The following MAMLD1 variants were observed in gnomAD, a reference collection of about 807,000 sequenced individuals.
MAMLD1 encodes mastermind-like domain-containing protein 1.
Under a neutral mutation model 45.0 loss-of-function variants are expected in MAMLD1, and 14 were observed. The observed-to-expected ratio is 0.31, with a 90% CI of 0.21 to 0.49. The LOEUF is 0.49. Ranked by LOEUF, MAMLD1 falls within the 20% of genes least tolerant of loss-of-function variation. The probability of loss-of-function intolerance (pLI) is 0.99; values close to 1 mark genes in which losing one functional copy is unlikely to be tolerated. For synonymous variants in MAMLD1, 254 were observed against 247.8 expected (o/e 1.02, Z -0.24); for missense variants, 543 against 603.6 (o/e 0.90, Z 1.05).
At chrX:150,508,835 G>A (rs1341225880) in intron 6 of MAMLD1, among the ~76,000 whole-genome samples, 2 of 112,277 alleles carry the variant, frequency 1.8e-5, no homozygotes, top group African/African-American at 6.5e-5. Context: ...AGCTGCCTTG[G>A]TGGTTGAGAA....
intron 2 of MAMLD1, among the ~76,000 whole-genome samples, chrX:150,447,574 C>T (rs1557404850): frequency 9.0e-6 from 1 of 111,544 alleles, no homozygotes; most frequent in African/African-American, 3.3e-5. Flanking sequence ...CTCTGCTGCA[C>T]ATGCTGAGGA....
At chrX:150,404,313 C>T (rs1444594761) in intron 1 of MAMLD1, among the ~76,000 whole-genome samples, 1 of 112,157 alleles carries the variant, frequency 8.9e-6, no homozygotes, top group Admixed American at 9.4e-5. Flanking sequence ...TAAACAGCTT[C>T]TCTCTAGGCT....
intron 1 of MAMLD1, among the ~76,000 whole-genome samples, chrX:150,427,158 C>G (rs1557403850): frequency 8.9e-6 from 1 of 111,737 alleles, no homozygotes; most frequent in East Asian, 2.8e-4. Flanking sequence ...AAGGGCCCAC[C>G]CTACTCCAGT....
chrX:150,403,337 G>C (rs2124523002), intron 1 of MAMLD1, among the ~76,000 whole-genome samples: 1 of 111,819 alleles, frequency 8.9e-6, no homozygotes, highest in East Asian at 2.8e-4. Flanking sequence ...GTAGTGACTA[G>C]AGAGTTTTCT....
At chrX:150,497,208 C>T (rs1032087523) in intron 5 of MAMLD1, among the ~76,000 whole-genome samples, 1 of 111,421 alleles carries the variant, frequency 9.0e-6, no homozygotes, top group South Asian at 3.8e-4. Flanking sequence ...AACAGATCCA[C>T]CAAATGGGTG....
At chrX:150,499,287 C>G (rs1420966308) in intron 5 of MAMLD1, among the ~76,000 whole-genome samples, 1 of 112,093 alleles carries the variant, frequency 8.9e-6, no homozygotes, top group Non-Finnish European at 1.9e-5. Context: ...AGTCAAGAAA[C>G]CTACAAGCTC....
intron 1 of MAMLD1, among the ~76,000 whole-genome samples, chrX:150,385,661 C>T (rs960971958): frequency 9.0e-6 from 1 of 111,169 alleles, no homozygotes; most frequent in African/African-American, 3.3e-5. Context: ...AAGGGTTGCT[C>T]TTGCTGTCTT....
Position 150,423,614 on chromosome X carries a change from A to AAGAGAG in MAMLD1, c.-63-21819_-63-21814dup, listed in dbSNP as rs138772700. On this transcript the variant is annotated intron_variant, in intron 1 of 7. Coordinates refer to ENST00000370401, the MANE Select transcript of MAMLD1 (RefSeq NM_005491.5). ...CATAGTGCTTTCCAGAAGAGAGAGA[A>AAGAGAG]AGAGAGAGAGAGAGAGAGAGAGAGA... Among the ~76,000 whole-genome samples the AAGAGAG allele has an allele frequency of 4.5e-3, 455 of 101,665 alleles. 2 individuals are homozygous for AAGAGAG. The highest frequency in any genetic ancestry group is 0.016 in the African/African-American group (435 of 27,738). The allele number at this position is 101,665 out of a possible 115,157, so 88.3% of individuals were successfully genotyped here.
At position 150,462,764 on chromosome X, in the gene MAMLD1, A is replaced by T; in HGVS notation, c.97-8A>T. 8.3e-7 allele frequency: 1 copy of T among 1,199,572 alleles called. No homozygotes were observed. The highest frequency in any genetic ancestry group is 1.8e-5 in the South Asian group (1 of 56,678). ...AAGTGGCTCTCCTCAGCCTACTCTC[A>T]CCCCCAGGGAAAGAAGCCCTCGTGG... On this transcript the variant is annotated splice_region_variant and splice_polypyrimidine_tract_variant and intron_variant, in intron 2 of 7. Transcript: ENST00000370401.
At chrX:150,482,805 T>C (rs1354884458) in intron 5 of MAMLD1, among the ~76,000 whole-genome samples, 2 of 112,449 alleles carry the variant, frequency 1.8e-5, no homozygotes, top group East Asian at 5.6e-4. Flanking sequence ...AAATTGAGCA[T>C]AATGGCTGTC....
intron 1 of MAMLD1, among the ~76,000 whole-genome samples, chrX:150,367,346 A>AT (rs368927475): frequency 1.0e-3 from 115 of 111,370 alleles, no homozygotes; most frequent in African/African-American, 3.1e-3. Flanking sequence ...AAGGAAAGGG[A>AT]TTTTTTTAGC....
intron 1 of MAMLD1, among the ~76,000 whole-genome samples, chrX:150,375,495 T>A (rs1465019299): frequency 1.8e-5 from 2 of 112,420 alleles, no homozygotes; most frequent in Admixed American, 9.4e-5. Context: ...TTTGCAGAGC[T>A]TTTAAGTCCC....
At position 150,417,144 on chromosome X, in the gene MAMLD1, A is replaced by G. The variant is rs189944818; in HGVS notation, c.-63-28310A>G. Among the ~76,000 whole-genome samples the G allele has an allele frequency of 8.2e-3, 902 of 110,100 alleles. 11 individuals are homozygous for G. Among genetic ancestry groups the G allele is most frequent in the African/African-American group, 0.028 (857 of 30,141 alleles). On this transcript the variant is annotated intron_variant, in intron 1 of 7. Transcript: ENST00000370401. ...CATCTAGCATGAGGTATATCTCCCA[A>G]TGCTATCCCTCCCCCCTACCCCACC...
intron 1 of MAMLD1, among the ~76,000 whole-genome samples, chrX:150,382,884 T>A (rs868919263): frequency 0.021 from 751 of 35,778 alleles, 217 homozygotes; most frequent in African/African-American, 0.11. Context: ...CATTTTATTT[T>A]ATTTTTTTTT....
rs782581265 is a variant in MAMLD1, at chrX:150,392,889, C to T, written c.-64+29359C>T. On this transcript the variant is annotated intron_variant, in intron 1 of 7. Coordinates refer to ENST00000370401, the MANE Select transcript of MAMLD1 (RefSeq NM_005491.5). ...CTTCATGTGCATAGCCTCCCCCCTC[C>T]CCCATTACCTGCATCCTGTATCAGA... is the stretch of plus-strand genomic sequence containing the variant. Among the ~76,000 whole-genome samples the T allele has an allele frequency of 8.1e-5, 9 of 110,763 alleles. No homozygotes were observed. In the South Asian group the frequency reaches 3.5e-3, roughly 43 times the overall value.
At chrX:150,463,755 G>T (rs1557405748) in intron 3 of MAMLD1, among the ~76,000 whole-genome samples, 1 of 111,178 alleles carries the variant, frequency 9.0e-6, no homozygotes, top group Admixed American at 9.5e-5. Context: ...GCTGATGACT[G>T]TGGCAGCCTT....
intron 4 of MAMLD1, 64 bp downstream of exon 4, chrX:150,471,554 G>A: frequency 8.3e-7 from 1 of 1,207,135 alleles, no homozygotes; most frequent in Non-Finnish European, 1.1e-6. Context: ...GTTTCATGTT[G>A]CCAATATCTG....
At chrX:150,395,065 GT>G (rs1168986777) in intron 1 of MAMLD1, among the ~76,000 whole-genome samples, 10 of 110,117 alleles carry the variant, frequency 9.1e-5, no homozygotes, top group African/African-American at 1.6e-4. Flanking sequence ...GATAGTAGCA[GT>G]TTTTTTTTGT....
At chrX:150,416,858 G>A (rs2034260510) in intron 1 of MAMLD1, among the ~76,000 whole-genome samples, 1 of 111,611 alleles carries the variant, frequency 9.0e-6, no homozygotes, top group Non-Finnish European at 1.9e-5. Flanking sequence ...ACATGAGATG[G>A]GATTTCACAT....
Sources: allele counts gnomAD v4.1 joint callset (sites outside exome capture counted in the v4.1 genomes callset), GRCh38; gene constraint gnomAD v4.1.1; transcripts MANE v1.5; gene names NCBI Gene and HGNC (gene_info 2026-07-23, HGNC 2026-07-21).